The following CMSS1 variants were observed in gnomAD, a reference collection of about 807,000 sequenced individuals.
The protein encoded by CMSS1 is cms1 ribosomal small subunit homolog, also known as protein CMSS1.
CMSS1 carries 33 observed loss-of-function variants against 43.5 expected under a neutral mutation model. The observed-to-expected ratio is 0.76, with a 90% CI of 0.57 to 1.01. The LOEUF (loss-of-function observed/expected upper bound fraction) is 1.01, where lower values mean the gene tolerates loss of function less well. Among genes scored for constraint, CMSS1 ranks in the 50% least tolerant of loss-of-function variants. The pLI is 0.00. For missense variants in CMSS1, 313 were observed against 326.4 expected (o/e 0.96, Z 0.32); for synonymous variants, 115 against 117.2 (o/e 0.98, Z 0.12).
At chr3:100,174,741 G>T (rs1401331614) in intron 8 of CMSS1, among the ~76,000 whole-genome samples, 1 of 152,148 alleles carries the variant, frequency 6.6e-6, no homozygotes, top group Admixed American at 6.6e-5. Flanking sequence ...TATATAAGGA[G>T]AGTTTTCAGA....
At chr3:100,130,974 G>A (rs998108140) in intron 1 of CMSS1, among the ~76,000 whole-genome samples, 1 of 152,178 alleles carries the variant, frequency 6.6e-6, no homozygotes, top group African/African-American at 2.4e-5. Flanking sequence ...AGACAAAGGA[G>A]GAGAGAGTGT....
chr3:100,157,035 C>T (rs1325034081), intron 2 of CMSS1, among the ~76,000 whole-genome samples: 1 of 152,174 alleles, frequency 6.6e-6, no homozygotes, highest in Non-Finnish European at 1.5e-5. Flanking sequence ...GGGTTACAGA[C>T]ATGAGACACC....
intron 1 of CMSS1, among the ~76,000 whole-genome samples, chr3:99,909,938 T>TTCCCATTTTATAGATGGAAGCATCAA (rs1368114649): frequency 2.9e-5 from 4 of 138,562 alleles, no homozygotes; most frequent in South Asian, 2.4e-4. Context: ...AGAGCTGTTG[T>TTCCCATTTTATAGATGGAAGCATCAA]CATCTGACCA....
chr3:99,956,554 C>T (rs1390124109), intron 1 of CMSS1, among the ~76,000 whole-genome samples: 1 of 152,152 alleles, frequency 6.6e-6, no homozygotes, highest in Non-Finnish European at 1.5e-5. Context: ...ACCACGTTGG[C>T]CAGGCTAGTC....
intron 5 of CMSS1, among the ~76,000 whole-genome samples, chr3:100,166,865 A>G (rs1353741522): frequency 2.0e-5 from 3 of 151,992 alleles, no homozygotes; most frequent in Non-Finnish European, 2.9e-5. Context: ...CAGCCTCCCA[A>G]GCAGCTGGGA....
chr3:99,842,291 CA>C (rs1165967118), intron 1 of CMSS1, among the ~76,000 whole-genome samples: 1 of 152,108 alleles, frequency 6.6e-6, no homozygotes, highest in African/African-American at 2.4e-5. Flanking sequence ...TATGAGGACA[CA>C]GAGGCATAAG....
intron 1 of CMSS1, among the ~76,000 whole-genome samples, chr3:99,870,253 A>G (rs1944723892): frequency 6.6e-6 from 1 of 152,154 alleles, no homozygotes; most frequent in African/African-American, 2.4e-5. Context: ...AGAAGAGTAG[A>G]ACTCTGATTT....
At chr3:100,035,557 A>G (rs996678276) in intron 1 of CMSS1, among the ~76,000 whole-genome samples, 1 of 151,968 alleles carries the variant, frequency 6.6e-6, no homozygotes, top group African/African-American at 2.4e-5. Context: ...GACACTGCAC[A>G]CAGCTGAATT....
intron 1 of CMSS1, among the ~76,000 whole-genome samples, chr3:100,066,099 T>C (rs1000427901): frequency 3.9e-5 from 6 of 152,230 alleles, no homozygotes; most frequent in Non-Finnish European, 7.3e-5. Flanking sequence ...CTTTACTCTT[T>C]AAGAGATTAC....
At chr3:100,112,243 G>A (rs894406051) in intron 1 of CMSS1, among the ~76,000 whole-genome samples, 3 of 152,216 alleles carry the variant, frequency 2.0e-5, no homozygotes, top group South Asian at 4.1e-4. Flanking sequence ...AAGGTGAAGC[G>A]GGTATTACAT....
At chr3:100,021,960 T>TGAGAGAGAGA (rs61630053) in intron 1 of CMSS1, among the ~76,000 whole-genome samples, 9 of 93,288 alleles carry the variant, frequency 9.6e-5, no homozygotes, top group South Asian at 4.4e-4. Context: ...TGTGTGTGTG[T>TGAGAGAGAGA]GAGAGAGAGA....
At chr3:99,929,014 G>A (rs2107660429) in intron 1 of CMSS1, among the ~76,000 whole-genome samples, 1 of 152,338 alleles carries the variant, frequency 6.6e-6, no homozygotes, top group South Asian at 2.1e-4. Context: ...CAGTCCTGAG[G>A]TAGGTTGCCA....
At chr3:100,081,295 C>G (rs2065928227) in intron 1 of CMSS1, among the ~76,000 whole-genome samples, 1 of 152,146 alleles carries the variant, frequency 6.6e-6, no homozygotes, top group South Asian at 2.1e-4. Context: ...AACAAATCAC[C>G]TTTCATGTAA....
intron 1 of CMSS1, among the ~76,000 whole-genome samples, chr3:99,990,765 T>A (rs894585342): frequency 2.0e-5 from 3 of 151,870 alleles, no homozygotes; most frequent in African/African-American, 7.3e-5. Context: ...AGAAAAAAAA[T>A]TTACCTATAT....
chr3:100,119,747 T>C (rs140699557), intron 1 of CMSS1, among the ~76,000 whole-genome samples: 1 of 152,374 alleles, frequency 6.6e-6, no homozygotes, highest in South Asian at 2.1e-4. Context: ...TAGTCATTTT[T>C]CAATTCCAGG....
intron 1 of CMSS1, among the ~76,000 whole-genome samples, chr3:99,926,240 C>G (rs1395460435): frequency 6.6e-6 from 1 of 152,184 alleles, no homozygotes; most frequent in East Asian, 1.9e-4. Flanking sequence ...GCATATAGAA[C>G]CCAGTAAATT....
At chr3:100,084,863 A>G (rs566102995) in intron 1 of CMSS1, among the ~76,000 whole-genome samples, 2 of 152,232 alleles carry the variant, frequency 1.3e-5, no homozygotes, top group African/African-American at 4.8e-5. Flanking sequence ...CCTATCCCCA[A>G]TCAGTCCCAG....
intron 1 of CMSS1, among the ~76,000 whole-genome samples, chr3:100,050,750 G>A (rs938084940): frequency 5.3e-5 from 8 of 152,054 alleles, no homozygotes; most frequent in African/African-American, 1.4e-4. Context: ...GGCTGGTCTC[G>A]AACTCCTGAC....
intron 1 of CMSS1, among the ~76,000 whole-genome samples, chr3:99,912,356 G>T (rs1182604213): frequency 6.6e-6 from 1 of 152,086 alleles, no homozygotes; most frequent in African/African-American, 2.4e-5. Context: ...ACTGCTTAAT[G>T]GGCACAGGGC....
Sources: allele counts gnomAD v4.1 joint callset (sites outside exome capture counted in the v4.1 genomes callset), GRCh38; gene constraint gnomAD v4.1.1; transcripts MANE v1.5; gene names NCBI Gene and HGNC (gene_info 2026-07-23, HGNC 2026-07-21).